The following DDX59 variants were observed in gnomAD, a reference collection of about 807,000 sequenced individuals.
DDX59 encodes the protein probable ATP-dependent RNA helicase DDX59.
In DDX59, 30 loss-of-function variants were observed where a neutral mutation model predicts 51.9. The observed-to-expected ratio is 0.58, with a 90% CI of 0.43 to 0.78. DDX59 has a LOEUF of 0.78. Among genes scored for constraint, DDX59 ranks in the 30% least tolerant of loss-of-function variants. The pLI is 0.00. For synonymous variants in DDX59, 255 were observed against 253.3 expected, an observed-to-expected ratio of 1.01 and a Z score of -0.06; for missense variants, 672 against 730.8, an observed-to-expected ratio of 0.92 and a Z score of 0.93.
At position 200,650,608 on chromosome 1, in the gene DDX59, A is replaced by G. The variant is rs1661597632; in HGVS notation, c.1131T>C (p.Asp377=). 1.9e-6 allele frequency: 3 copies of G among 1,614,062 alleles called. No individual in the cohort carries two copies. The highest frequency in any genetic ancestry group is 1.7e-6 in the Non-Finnish European group (2 of 1,179,974). The change falls in exon 5 of 8, where the codon GAT becomes GAC. Residue 377 remains aspartate, a synonymous_variant. Coordinates refer to ENST00000331314, the MANE Select transcript of DDX59 (RefSeq NM_001031725.6). ...TGGCTGAAACCAAAATGGTCTGACA[A>G]TCATTAGGAATGTTTTCCAAAATGT... ...VLDILENIPN[D]CQTILVSATI... is the part of the protein sequence containing the mutation.
chr1:200,669,899 G>GGGCGGAGCGT lies in DDX59; in HGVS notation c.-145_-144insACGCTCCGCC, dbSNP rs1663065009. 1 of 104,228 alleles carries GGGCGGAGCGT rather than the reference G, an allele frequency of 9.6e-6. No individual in the cohort carries two copies. Among genetic ancestry groups the GGGCGGAGCGT allele is most frequent in the African/African-American group, 3.3e-5 (1 of 30,392 alleles). The allele number at this position is 104,228 out of a possible 1,614,324, so 6.5% of individuals were successfully genotyped here. A position where few individuals can be genotyped will look rare whatever the true frequency, so the allele number is the denominator to read the frequency against. ...ACTGCGGCCCGGGGTTGGTGGTGCG[G>GGGCGGAGCGT]AGCGGAGCGGAGCGGAGCGTAGAGT... On this transcript the variant is annotated 5_prime_UTR_variant, in exon 1 of 8. Transcript: ENST00000331314.
At chr1:200,651,288 G>C (rs186207522) in intron 4 of DDX59, among the ~76,000 whole-genome samples, 3 of 152,218 alleles carry the variant, frequency 2.0e-5, no homozygotes, top group African/African-American at 7.2e-5. Flanking sequence ...GCTATGGTCT[G>C]AACTGTGGTG....
intron 5 of DDX59, 130 bp from the exon 6 acceptor site, chr1:200,649,356 C>T (rs527585662): frequency 7.2e-5 from 64 of 884,614 alleles, no homozygotes; most frequent in African/African-American, 4.7e-4. Flanking sequence ...AGGCTGGGCG[C>T]GGTGGCTCAC....
rs917918331 is a variant in DDX59 at position 200,664,151 on chromosome 1, T to C, written c.805-65A>G. On this transcript the variant is annotated intron_variant, in intron 2 of 7. Transcript: ENST00000331314. ...TTAATTCCTGCTGATATGAACTAAA[T>C]CTTCACAAGGATTCCAGGAACATGG... 9 of 1,532,334 alleles carry C rather than the reference T, an allele frequency of 5.9e-6. No individual in the cohort carries two copies. In the South Asian group the frequency reaches 7.5e-5, roughly 13 times the overall value. 94.9% of individuals were successfully genotyped at this position (1,532,334 alleles called of 1,614,324 possible).
intron 3 of DDX59, among the ~76,000 whole-genome samples, chr1:200,662,758 T>C (rs1662459445): frequency 6.6e-6 from 1 of 152,238 alleles, no homozygotes; most frequent in South Asian, 2.1e-4. Flanking sequence ...TATCCATTCG[T>C]TGCAATGAAA....
At chr1:200,647,110 C>T (rs1240282242) in intron 7 of DDX59, among the ~76,000 whole-genome samples, 1 of 152,140 alleles carries the variant, frequency 6.6e-6, no homozygotes, top group Non-Finnish European at 1.5e-5. Flanking sequence ...GCACTAACGG[C>T]GTTTCAGTGG....
At chr1:200,663,090 C>T (rs537041614) in intron 3 of DDX59, among the ~76,000 whole-genome samples, 70 of 152,276 alleles carry the variant, frequency 4.6e-4, no homozygotes, top group African/African-American at 1.6e-3. Flanking sequence ...TAGAAGCTGT[C>T]GAATACTGCA....
At chr1:200,654,232 T>G (rs565689993) in intron 4 of DDX59, among the ~76,000 whole-genome samples, 1 of 151,942 alleles carries the variant, frequency 6.6e-6, no homozygotes, top group African/African-American at 2.4e-5. Context: ...GCTAACACGG[T>G]GAAATCTCAT....
chr1:200,651,175 TCTA>T (rs886449416), intron 4 of DDX59, among the ~76,000 whole-genome samples: 1 of 152,112 alleles, frequency 6.6e-6, no homozygotes, highest in African/African-American at 2.4e-5. Flanking sequence ...GGGAGGCAAT[TCTA>T]CTTTTAGTTT....
At chr1:200,645,581 G>C (rs1442225364) in intron 7 of DDX59, among the ~76,000 whole-genome samples, 1 of 152,096 alleles carries the variant, frequency 6.6e-6, no homozygotes, top group Non-Finnish European at 1.5e-5. Context: ...CTCATGTTGA[G>C]AGAATTAAAT....
At chr1:200,661,181 T>C (rs1404370311) in intron 3 of DDX59, among the ~76,000 whole-genome samples, 3 of 152,142 alleles carry the variant, frequency 2.0e-5, no homozygotes, top group African/African-American at 7.2e-5. Flanking sequence ...AGAAACCAAC[T>C]TGAAGGTGCT....
At chr1:200,641,008 C>A, downstream of DDX59, 1 of 324,472 alleles carries the variant, frequency 3.1e-6, no homozygotes, top group East Asian at 7.7e-5. Context: ...GGTTTTCACA[C>A]TGTGGCCCTA....
At chr1:200,641,253 T>C (rs1451676132), downstream of DDX59, 1 of 1,302,158 alleles carries the variant, frequency 7.7e-7, no homozygotes, top group Non-Finnish European at 1.0e-6. Flanking sequence ...CAAATAATAT[T>C]CAGCTGCCAG....
chr1:200,661,153 G>A (rs1463739618), intron 3 of DDX59, among the ~76,000 whole-genome samples: 1 of 152,180 alleles, frequency 6.6e-6, no homozygotes, highest in African/African-American at 2.4e-5. Context: ...GAATGATGGA[G>A]ATCTGAACAA....
chr1:200,659,250 G>C (rs1399399462), intron 3 of DDX59, 134 bp from the exon 4 acceptor site: 2 of 636,682 alleles, frequency 3.1e-6, no homozygotes, highest in Non-Finnish European at 5.6e-6. Flanking sequence ...GAATAAGCCA[G>C]ACATAGTCTC....
chr1:200,653,054 A>G (rs1180413702), intron 4 of DDX59, among the ~76,000 whole-genome samples: 1 of 151,916 alleles, frequency 6.6e-6, no homozygotes, highest in African/African-American at 2.4e-5. Context: ...CTCAATCTCT[A>G]TACATTGGGG....
intron 7 of DDX59, among the ~76,000 whole-genome samples, chr1:200,647,593 C>T (rs1176265636): frequency 2.0e-5 from 3 of 147,874 alleles, no homozygotes; most frequent in Non-Finnish European, 3.0e-5. Context: ...TTTTCTAAGG[C>T]ACTTTAGGCA....
chr1:200,648,298 T>C lies in DDX59; in HGVS notation c.1596+141A>G, dbSNP rs567419118. On this transcript the variant is annotated intron_variant, in intron 7 of 7. Coordinates refer to ENST00000331314, the MANE Select transcript of DDX59 (RefSeq NM_001031725.6). ...TCCATTTCGAGTGATCTGCCCGCGA[T>C]GGCCTTCCAAAGTGCTGGGATTACA... The C allele has an allele frequency of 1.2e-4, 134 of 1,136,670 alleles. No individual in the cohort carries two copies. In the Middle Eastern group the frequency reaches 1.3e-3, roughly 11 times the overall value. The allele number at this position is 1,136,670 out of a possible 1,614,324, so 70.4% of individuals were successfully genotyped here.
At chr1:200,663,778 A>C (rs1558129111) in intron 3 of DDX59, 141 bp downstream of exon 3, 2 of 934,046 alleles carry the variant, frequency 2.1e-6, no homozygotes, top group South Asian at 3.3e-5. Context: ...AAAAAAAAAA[A>C]AAAAACCTAA....
Sources: allele counts gnomAD v4.1 joint callset (sites outside exome capture counted in the v4.1 genomes callset), GRCh38; gene constraint gnomAD v4.1.1; transcripts MANE v1.5; gene names NCBI Gene and HGNC (gene_info 2026-07-23, HGNC 2026-07-21).